HERC6: variants seen among roughly 807,000 people sequenced by gnomAD.
HERC6 encodes the protein probable E3 ubiquitin-protein ligase HERC6.
HERC6 carries 101 observed loss-of-function variants against 114.5 expected under a neutral mutation model. The ratio of observed to expected loss-of-function variants is 0.88; its 90% CI spans 0.75 to 1.04. HERC6 has a LOEUF of 1.04. HERC6 is among the 50% of genes least tolerant of loss of function. HERC6 has a pLI of 0.00. For missense variants in HERC6, 1,133 were observed against 1,230.9 expected (o/e 0.92, Z 1.19); for synonymous variants, 408 against 436.2 (o/e 0.94, Z 0.81).
At chr4:88,411,146 T>A (rs564189220) in intron 11 of HERC6, among the ~76,000 whole-genome samples, 4 of 152,278 alleles carry the variant, frequency 2.6e-5, no homozygotes, top group Admixed American at 2.0e-4. Context: ...ATTTTCAAGA[T>A]GAAGTGATAA....
intron 7 of HERC6, 52 bp downstream of exon 7, chr4:88,397,039 G>T: frequency 6.5e-7 from 1 of 1,531,262 alleles, no homozygotes; most frequent in South Asian, 1.2e-5. Flanking sequence ...CACTGGAAGA[G>T]AACTAGTATT....
intron 13 of HERC6, among the ~76,000 whole-genome samples, chr4:88,421,052 T>C (rs1736998037): frequency 6.6e-6 from 1 of 152,214 alleles, no homozygotes; most frequent in Non-Finnish European, 1.5e-5. Flanking sequence ...TGTAGTCTTT[T>C]GTAACTAGCT....
At chr4:88,410,858 G>T (rs148872525) in intron 11 of HERC6, among the ~76,000 whole-genome samples, 5 of 152,190 alleles carry the variant, frequency 3.3e-5, no homozygotes, top group Admixed American at 2.0e-4. Flanking sequence ...ATGACAGTTT[G>T]TGAGAATGTT....
chr4:88,395,246 A>G (rs1258124082), intron 5 of HERC6, among the ~76,000 whole-genome samples: 1 of 152,220 alleles, frequency 6.6e-6, no homozygotes, highest in Admixed American at 6.5e-5. Context: ...AATAGAAATA[A>G]AGAGAAAGCT....
chr4:88,410,452 C>G (rs1353645194), intron 11 of HERC6, among the ~76,000 whole-genome samples: 1 of 152,178 alleles, frequency 6.6e-6, no homozygotes, highest in Admixed American at 6.5e-5. Flanking sequence ...GCTTGACTTT[C>G]CCCTTTAGCT....
In HERC6 at chr4:88,390,825, G is replaced by A; in HGVS notation, c.610G>A (p.Gly204Ser). 6.2e-7 allele frequency: 1 copy of A among 1,614,140 alleles called. No homozygotes were observed. The highest frequency in any genetic ancestry group is 1.1e-5 in the South Asian group (1 of 91,086). Residue 204 changes from glycine to serine, a missense_variant, in exon 4 of 23, where the codon GGC (glycine) becomes AGC (serine). By Grantham distance (56) the Gly-to-Ser change is moderately conservative. This residue lies in a region of HERC6 where 735 missense variants were observed against 754.0 expected (regional missense o/e 0.97). Transcript: ENST00000264346. ...CCTGTCTCTCTGTGGGACTTCGTTT[G>A]GCTGGGGAAGTAACAGTGCCGGGCA... ...FALSLCGTSF[G>S]WGSNSAGQLA...
Position 88,383,223 on chromosome 4 carries a change from C to G in HERC6, c.202C>G (p.Pro68Ala), listed in dbSNP as rs201754540. The change falls in exon 2 of 23, where the codon CCA becomes GCA. Residue 68 changes from proline to alanine, a missense_variant and splice_region_variant. This residue lies in a region of HERC6 where 735 missense variants were observed against 754.0 expected (regional missense o/e 0.97). Coordinates refer to ENST00000264346, the MANE Select transcript of HERC6 (RefSeq NM_017912.4). Reference sequence around the variant, plus strand: ...GTGTTTTGTTTTGTTTCCCAAAGAACCAATTCAGGCATTGGAAACCCTAAT... The same window carrying G: ...GTGTTTTGTTTTGTTTCCCAAAGAAGCAATTCAGGCATTGGAAACCCTAAT... ...RGAQRGELPE[P>A]IQALETLIVD... The G allele has an allele frequency of 6.2e-7, 1 of 1,609,822 alleles. No individual in the cohort carries two copies. The highest frequency in any genetic ancestry group is 1.7e-5 in the Admixed American group (1 of 59,370).
In HERC6 at chr4:88,442,360, C is replaced by A. The variant is rs61740296; in HGVS notation, c.2969C>A (p.Ser990Tyr). The change falls in exon 23 of 23, where the codon TCC becomes TAC. Residue 990 changes from serine to tyrosine, a missense_variant. By Grantham distance (144) the Ser-to-Tyr change is moderately radical. Around this residue, in one of 3 missense-constraint regions of HERC6, gnomAD observed 388 missense variants for 445.9 expected, o/e 0.87. Coordinates refer to ENST00000264346, the MANE Select transcript of HERC6 (RefSeq NM_017912.4). Reference protein sequence around the residue: ...PTSITCHNILSLPKYSTMERM... With the variant: ...PTSITCHNILYLPKYSTMERM... ...TCAATAACTTGTCATAATATTCTCT[C>A]CCTCCCTAAGTATTCTACAATGGAA... is the stretch of plus-strand genomic sequence containing the variant. The A allele has an allele frequency of 1.3e-3, 2,160 of 1,613,622 alleles. 26 individuals are homozygous for A. The African/African-American group carries it at 0.025, about 19-fold the overall frequency.
chr4:88,425,901 A>G (rs536737792), intron 15 of HERC6, among the ~76,000 whole-genome samples: 1 of 152,332 alleles, frequency 6.6e-6, no homozygotes, highest in African/African-American at 2.4e-5. Flanking sequence ...ATCAGAACTT[A>G]TACCCATTAT....
chr4:88,404,755 C>A, intron 8 of HERC6, 121 bp from the exon 9 acceptor site: 1 of 1,291,042 alleles, frequency 7.7e-7, no homozygotes, highest in Non-Finnish European at 1.0e-6. Flanking sequence ...GCTCCTCCCA[C>A]CAAATGCTAC....
intron 3 of HERC6, among the ~76,000 whole-genome samples, chr4:88,388,946 A>G (rs1560534837): frequency 6.6e-6 from 1 of 152,176 alleles, no homozygotes; most frequent in East Asian, 1.9e-4. Context: ...AATATGTTAA[A>G]GAAGTGGGAT....
rs928831584 is a variant in HERC6, at chr4:88,396,158, T to C, written c.887+16T>C. ...ATTGTGGAAGGTAATAGGCTTCTTC[T>C]TCTTCTTTTTCTTAGCATGTGTAGA... On this transcript the variant is annotated intron_variant, in intron 6 of 22. Coordinates refer to ENST00000264346, the MANE Select transcript of HERC6 (RefSeq NM_017912.4). The C allele has an allele frequency of 2.6e-6, 4 of 1,541,880 alleles. No individual in the cohort carries two copies. In the African/African-American group the frequency reaches 5.6e-5, roughly 22 times the overall value.
intron 22 of HERC6, among the ~76,000 whole-genome samples, chr4:88,441,110 C>A (rs1348977869): frequency 2.0e-5 from 3 of 152,010 alleles, no homozygotes; most frequent in Non-Finnish European, 4.4e-5. Context: ...TTTTTCTGCA[C>A]CCTCTTTCCT....
intron 3 of HERC6, 44 bp from the exon 4 acceptor site, chr4:88,390,608 A>C: frequency 6.8e-7 from 1 of 1,469,526 alleles, no homozygotes; most frequent in Non-Finnish European, 9.2e-7. Flanking sequence ...TGAATTTGGT[A>C]TTCTAATATG....
chr4:88,390,049 C>T (rs754384254), intron 3 of HERC6, among the ~76,000 whole-genome samples: 17 of 151,664 alleles, frequency 1.1e-4, no homozygotes, highest in African/African-American at 2.4e-4. Flanking sequence ...CGTGGTGGCA[C>T]GCATTTGTAA....
In HERC6 at chr4:88,439,837, C is replaced by T. The variant is rs377240200; in HGVS notation, c.2556-37C>T. On this transcript the variant is annotated intron_variant, in intron 20 of 22. Coordinates refer to ENST00000264346, the MANE Select transcript of HERC6 (RefSeq NM_017912.4). The stretch of plus-strand genomic sequence containing the variant: ...TCTTTTAATCATTGGCCTTTTCCTT[C>T]CTTTCTTTTTTTTTTTTTTTTTTTG... 1.2e-4 allele frequency: 166 copies of T among 1,334,808 alleles called. 1 individual carries two copies. In the African/African-American group the frequency reaches 1.8e-3, roughly 15 times the overall value. 82.7% of individuals were successfully genotyped at this position (1,334,808 alleles called of 1,614,324 possible).
At chr4:88,425,357 T>G (rs1737493441) in intron 15 of HERC6, among the ~76,000 whole-genome samples, 1 of 152,194 alleles carries the variant, frequency 6.6e-6, no homozygotes, top group African/African-American at 2.4e-5. Context: ...TTAATTTATA[T>G]TTCTCCTTGT....
In HERC6 at chr4:88,405,539, T is replaced by G. The variant is rs748953145; in HGVS notation, c.1215-15T>G. On this transcript the variant is annotated splice_polypyrimidine_tract_variant and intron_variant, in intron 9 of 22. Coordinates refer to ENST00000264346, the MANE Select transcript of HERC6 (RefSeq NM_017912.4). ...ATTATATGTTGTGACTTACCCCTTG[T>G]TATTACTTTTACAGTGAAATTAGAA... 7 of 1,492,424 alleles carry G rather than the reference T, an allele frequency of 4.7e-6. No individual in the cohort carries two copies. The highest frequency in any genetic ancestry group is 4.0e-5 in the Admixed American group (2 of 50,124). The allele number at this position is 1,492,424 out of a possible 1,614,324, so 92.4% of individuals were successfully genotyped here. A position where few individuals can be genotyped will look rare whatever the true frequency, so the allele number is the denominator to read the frequency against.
chr4:88,427,030 G>A (rs896396653), intron 15 of HERC6, among the ~76,000 whole-genome samples: 1 of 152,154 alleles, frequency 6.6e-6, no homozygotes, highest in African/African-American at 2.4e-5. Flanking sequence ...GAGTAGTCGA[G>A]GGTTGAGTGA....
Sources: gnomAD v4.1 joint callset for allele counts (sites outside exome capture counted in the v4.1 genomes callset) on GRCh38, gnomAD v4.1.1 for gene constraint, gnomAD v4.1.1 regional missense constraint, MANE v1.5 for transcripts, NCBI Gene and HGNC (gene_info 2026-07-23, HGNC 2026-07-21) for gene names.